PIWIL4: variants seen among roughly 807,000 people sequenced by gnomAD.
The protein encoded by PIWIL4 is piwi-like protein 4.
Under a neutral mutation model 100.9 loss-of-function variants are expected in PIWIL4, and 50 were observed. That is an observed-to-expected ratio of 0.50 (90% CI 0.39 to 0.63). The LOEUF is 0.63. Ranked by LOEUF, PIWIL4 falls within the 20% of genes least tolerant of loss-of-function variation. The pLI is 0.00. For missense variants in PIWIL4, 887 were observed against 1,043.3 expected (o/e 0.85, Z 2.06); for synonymous variants, 342 against 367.5 (o/e 0.93, Z 0.79).
chr11:94,586,073 G>A (rs900295140), intron 6 of PIWIL4, among the ~76,000 whole-genome samples: 19 of 152,126 alleles, frequency 1.2e-4, no homozygotes, highest in Admixed American at 4.6e-4. Flanking sequence ...TAGCCCAAAC[G>A]TAGATTCATA....
intron 15 of PIWIL4, among the ~76,000 whole-genome samples, chr11:94,614,272 TTG>T (rs997353051): frequency 1.3e-5 from 2 of 151,684 alleles, no homozygotes; most frequent in Non-Finnish European, 2.9e-5. Flanking sequence ...GTTCCCTTGG[TTG>T]TGTCATAGTT....
At position 94,607,695 on chromosome 11, in the gene PIWIL4, T is replaced by C; in HGVS notation, c.1839+56T>C. 5 of 1,492,856 alleles carry C rather than the reference T, an allele frequency of 3.3e-6. No individual in the cohort carries two copies. In the South Asian group the frequency reaches 5.0e-5, roughly 15 times the overall value. 92.5% of individuals were successfully genotyped at this position (1,492,856 alleles called of 1,614,324 possible). A position where few individuals can be genotyped will look rare whatever the true frequency, so the allele number is the denominator to read the frequency against. ...TAATTAATAAATTTATTTTAAAGAT[T>C]AAAGTAGGAGATGTTATCACATGAT... On this transcript the variant is annotated intron_variant, in intron 14 of 19. Coordinates refer to ENST00000299001, the MANE Select transcript of PIWIL4 (RefSeq NM_152431.3).
intron 11 of PIWIL4, among the ~76,000 whole-genome samples, chr11:94,598,858 C>A (rs1948597289): frequency 6.6e-6 from 1 of 152,036 alleles, no homozygotes; most frequent in Non-Finnish European, 1.5e-5. Context: ...TAGGCGTGCG[C>A]CACCATGCTC....
intron 15 of PIWIL4, among the ~76,000 whole-genome samples, chr11:94,613,970 G>T (rs1314859745): frequency 6.6e-6 from 1 of 151,904 alleles, no homozygotes; most frequent in African/African-American, 2.4e-5. Flanking sequence ...CACTGTGTTG[G>T]TCAGGCTAGT....
At chr11:94,572,487 A>C (rs1042477968) in intron 2 of PIWIL4, among the ~76,000 whole-genome samples, 10 of 152,202 alleles carry the variant, frequency 6.6e-5, no homozygotes, top group Non-Finnish European at 1.0e-4. Flanking sequence ...GAAGGGATCC[A>C]GTTTCAGCTT....
intron 11 of PIWIL4, among the ~76,000 whole-genome samples, chr11:94,600,564 GACCGGGCGAA>G (rs1255775736): frequency 2.6e-5 from 4 of 152,144 alleles, no homozygotes; most frequent in Non-Finnish European, 5.9e-5. Context: ...GGGATCACAG[GACCGGGCGAA>G]ATTAAAATTG....
Position 94,608,605 on chromosome 11 carries a change from G to T in PIWIL4, c.1862G>T (p.Gly621Val), listed in dbSNP as rs1256379107. 1 of 1,614,066 alleles carries T rather than the reference G, an allele frequency of 6.2e-7. No homozygotes were observed. Among genetic ancestry groups the T allele is most frequent in the African/African-American group, 1.3e-5 (1 of 75,040 alleles). The change falls in exon 15 of 20, where the codon GGT (glycine) becomes GTT (valine). Residue 621 changes from glycine to valine, a missense_variant. By Grantham distance (109) the Gly-to-Val change is moderately radical (BLOSUM62 -3). Around this residue, in one of 2 missense-constraint regions of PIWIL4, gnomAD observed 741 missense variants for 930.0 expected, o/e 0.80. Transcript: ENST00000299001. ...EIPLKSLMVV[G>V]IDVCKDALSK... The stretch of plus-strand genomic sequence containing the variant: ...TAGTTAAAGTCCCTGATGGTGGTCG[G>T]TATTGATGTCTGTAAAGATGCACTC...
At chr11:94,569,770 A>G (rs1243328769) in intron 2 of PIWIL4, among the ~76,000 whole-genome samples, 7 of 141,146 alleles carry the variant, frequency 5.0e-5, no homozygotes, top group African/African-American at 1.5e-4. Context: ...ATGTGTACAC[A>G]TGGACATAGA....
chr11:94,571,720 A>G (rs933292805), intron 2 of PIWIL4, among the ~76,000 whole-genome samples: 1 of 152,170 alleles, frequency 6.6e-6, no homozygotes, highest in African/African-American at 2.4e-5. Context: ...AGTCTTTGCT[A>G]TTGTGAATAG....
intron 2 of PIWIL4, among the ~76,000 whole-genome samples, chr11:94,569,142 C>T (rs965608469): frequency 6.6e-6 from 1 of 152,148 alleles, no homozygotes; most frequent in Non-Finnish European, 1.5e-5. Context: ...TGGGTATCTA[C>T]CCAAAGGAAA....
At position 94,616,548 on chromosome 11, in the gene PIWIL4, A is replaced by T. The variant is rs1306968029; in HGVS notation, c.1999A>T (p.Lys667Ter). 1.9e-6 allele frequency: 3 copies of T among 1,608,590 alleles called. No individual in the cohort carries two copies. Among genetic ancestry groups the T allele is most frequent in the Non-Finnish European group, 2.5e-6 (3 of 1,177,880 alleles). Reference protein sequence around the residue: ...RTMTDVADCLKVFMTGALNKW... With the variant: ...RTMTDVADCL ...AATGACTGATGTTGCAGATTGCTTG[A>T]AAGTTTTCATGACTGGTACTAAAAA... Residue 667 changes from lysine to a stop codon, truncating the protein, a stop_gained, in exon 16 of 20, where the codon AAA becomes TAA. Transcript: ENST00000299001. LOFTEE classifies it high-confidence loss of function.
At chr11:94,570,260 A>G (rs1358925803) in intron 2 of PIWIL4, among the ~76,000 whole-genome samples, 1 of 152,156 alleles carries the variant, frequency 6.6e-6, no homozygotes, top group African/African-American at 2.4e-5. Flanking sequence ...AGGAGGCTTA[A>G]TCAGCAGAAA....
At chr11:94,578,765 A>G (rs1425847785) in intron 4 of PIWIL4, among the ~76,000 whole-genome samples, 1 of 152,198 alleles carries the variant, frequency 6.6e-6, no homozygotes, top group Non-Finnish European at 1.5e-5. Context: ...GTATGAGTTT[A>G]TTTGGGTGCA....
chr11:94,614,810 G>T (rs919336111), intron 15 of PIWIL4, among the ~76,000 whole-genome samples: 23 of 152,132 alleles, frequency 1.5e-4, no homozygotes, highest in Non-Finnish European at 2.9e-4. Flanking sequence ...TTGGTGGGGG[G>T]ATCCTTAAAA....
chr11:94,591,019 C>T lies in PIWIL4; in HGVS notation c.1026+1787C>T, dbSNP rs1334899881. ...GTGTAAAGGAAGTTTATCTGTCTACCTTCATGGTGTAGTGTAAGAACCGAG... is the reference window on the plus strand; with the variant it reads ...GTGTAAAGGAAGTTTATCTGTCTACTTTCATGGTGTAGTGTAAGAACCGAG... On this transcript the variant is annotated intron_variant, in intron 8 of 19. Coordinates refer to ENST00000299001, the MANE Select transcript of PIWIL4 (RefSeq NM_152431.3). Among the ~76,000 whole-genome samples the T allele has an allele frequency of 2.0e-5, 3 of 150,622 alleles. No homozygotes were observed. In the East Asian group the frequency reaches 5.9e-4, roughly 30 times the overall value.
chr11:94,606,194 A>G (rs1028551893), intron 13 of PIWIL4, among the ~76,000 whole-genome samples: 6 of 151,946 alleles, frequency 3.9e-5, no homozygotes, highest in African/African-American at 1.2e-4. Flanking sequence ...AACCAGTCTC[A>G]CTCGGCTCCC....
intron 12 of PIWIL4, among the ~76,000 whole-genome samples, chr11:94,602,518 A>G (rs558137335): frequency 6.6e-6 from 1 of 152,346 alleles, no homozygotes; most frequent in East Asian, 1.9e-4. Context: ...ATGTTTATTG[A>G]GTACTAATAT....
At chr11:94,572,739 T>A (rs1290661554) in intron 2 of PIWIL4, among the ~76,000 whole-genome samples, 1 of 152,376 alleles carries the variant, frequency 6.6e-6, no homozygotes, top group Middle Eastern at 3.4e-3. Flanking sequence ...GCCAGCTTTG[T>A]TCTTTTGGCT....
chr11:94,594,720 C>T lies in PIWIL4; in HGVS notation c.1151-589C>T, dbSNP rs200039321. On this transcript the variant is annotated intron_variant, in intron 9 of 19. Transcript: ENST00000299001. ...GCTAGTTTTGTATTTTTAGTAGAGA[C>T]GGGGTTTCTCCATGTTGGTCAGGCT... Among the ~76,000 whole-genome samples the T allele has an allele frequency of 8.6e-5, 13 of 152,028 alleles. No homozygotes were observed. The East Asian group carries it at 2.4e-3, about 28-fold the overall frequency.
Sources: gnomAD v4.1 joint callset for allele counts (sites outside exome capture counted in the v4.1 genomes callset) on GRCh38, gnomAD v4.1.1 for gene constraint, gnomAD v4.1.1 regional missense constraint, MANE v1.5 for transcripts, NCBI Gene and HGNC (gene_info 2026-07-23, HGNC 2026-07-21) for gene names.